The following SMARCA5 variants were observed in gnomAD, a reference collection of about 807,000 sequenced individuals.
The protein encoded by SMARCA5 is SWI/SNF-related matrix-associated actin-dependent regulator of chromatin subfamily A member 5.
Under a neutral mutation model 140.4 loss-of-function variants are expected in SMARCA5, and 18 were observed. That is an observed-to-expected ratio of 0.13 (90% CI 0.09 to 0.19). SMARCA5 has a LOEUF of 0.19. SMARCA5 is among the 10% of genes least tolerant of loss of function. The pLI is 1.00. For missense variants in SMARCA5, 606 were observed against 1,276.8 expected (o/e 0.47, Z 8.01); for synonymous variants, 449 against 419.6 (o/e 1.07, Z -0.86).
intron 14 of SMARCA5, among the ~76,000 whole-genome samples, chr4:143,542,458 A>G (rs1415538741): frequency 1.3e-5 from 2 of 152,202 alleles, no homozygotes; most frequent in Non-Finnish European, 2.9e-5. Flanking sequence ...GCATAAGAAC[A>G]TTTTGGTAGC....
At chr4:143,541,074 G>A (rs981776432) in intron 14 of SMARCA5, among the ~76,000 whole-genome samples, 2 of 152,142 alleles carry the variant, frequency 1.3e-5, no homozygotes, top group Non-Finnish European at 2.9e-5. Flanking sequence ...AAGTAAACAA[G>A]GGTATAAGTA....
chr4:143,537,681 G>A lies in SMARCA5; in HGVS notation c.1496-909G>A, dbSNP rs554034598. On this transcript the variant is annotated intron_variant, in intron 11 of 23. Transcript: ENST00000283131. The stretch of plus-strand genomic sequence containing the variant: ...ATGTCCCAGCACTTTTTGGAAGGCT[G>A]AGGTGGGCAGATCACCTAAGGTCAA... 2.6e-5 allele frequency among the ~76,000 whole-genome samples: 4 copies of A among 152,170 alleles called. No individual in the cohort carries two copies. The South Asian group carries it at 8.3e-4, about 32-fold the overall frequency.
chr4:143,536,601 C>A lies in SMARCA5; in HGVS notation c.1418C>A (p.Thr473Lys). 1 of 1,613,754 alleles carries A rather than the reference C, an allele frequency of 6.2e-7. No homozygotes were observed. Among genetic ancestry groups the A allele is most frequent in the Non-Finnish European group, 8.5e-7 (1 of 1,179,754 alleles). ...GGAGCAGAACCTGGTCCACCTTATA[C>A]AACAGATATGCATCTAGTAACCAAC... ...FDGAEPGPPYTTDMHLVTNSG... is the reference protein window; with the variant it reads ...FDGAEPGPPYKTDMHLVTNSG... The change falls in exon 11 of 24, where the codon ACA becomes AAA. Residue 473 changes from threonine (T) to lysine (K), a missense_variant. Physicochemically the swap from Thr to Lys is moderately conservative, Grantham distance 78. Transcript: ENST00000283131.
chr4:143,516,842 T>A (rs542818770), intron 1 of SMARCA5, among the ~76,000 whole-genome samples: 4 of 152,192 alleles, frequency 2.6e-5, no homozygotes, highest in Non-Finnish European at 5.9e-5. Context: ...TATTACTAGT[T>A]TAGGAATCAG....
chr4:143,538,874 C>G lies in SMARCA5; in HGVS notation c.1706C>G (p.Ala569Gly), dbSNP rs199980668. 2 of 1,613,906 alleles carry G rather than the reference C, an allele frequency of 1.2e-6. No individual in the cohort carries two copies. The highest frequency in any genetic ancestry group is 1.7e-6 in the Non-Finnish European group (2 of 1,179,854). ...GCTGGTGGTCTTGGCATCAATCTTG[C>G]GACTGCTGATGTAGTAATTTTGTAT... ...TRAGGLGINL[A>G]TADVVILYDS... The change falls in exon 13 of 24, where the codon GCG becomes GGG. Residue 569 changes from alanine to glycine, a missense_variant. Physicochemically the swap from Ala to Gly is moderately conservative, Grantham distance 60 (BLOSUM62 0). Coordinates refer to ENST00000283131, the MANE Select transcript of SMARCA5 (RefSeq NM_003601.4).
chr4:143,537,618 A>G (rs1264252770), intron 11 of SMARCA5, among the ~76,000 whole-genome samples: 1 of 152,174 alleles, frequency 6.6e-6, no homozygotes, highest in African/African-American at 2.4e-5. Flanking sequence ...AAGGTATATT[A>G]AACTCTGCAG....
rs765362294 is a variant in SMARCA5, at chr4:143,525,555, T to G, written c.621+4T>G. 1.3e-6 allele frequency: 2 copies of G among 1,584,370 alleles called. No homozygotes were observed. Among genetic ancestry groups the G allele is most frequent in the East Asian group, 2.2e-5 (1 of 44,666 alleles). ...TGGTATCCTTGCAGATGAAATGGTA[T>G]GTGTTGGTAGTTTTTTTTGAAGGGT... On this transcript the variant is annotated splice_donor_region_variant and intron_variant, in intron 5 of 23. Transcript: ENST00000283131.
chr4:143,519,585 G>A (rs1293358081), intron 2 of SMARCA5, among the ~76,000 whole-genome samples: 1 of 151,940 alleles, frequency 6.6e-6, no homozygotes, highest in African/African-American at 2.4e-5. Context: ...CAGTCTCCCA[G>A]CATTATTTCC....
chr4:143,546,397 A>G (rs184312382), intron 19 of SMARCA5, among the ~76,000 whole-genome samples: 12 of 152,266 alleles, frequency 7.9e-5, no homozygotes, highest in East Asian at 5.8e-4. Flanking sequence ...GTGTTCATCA[A>G]GGTCTTTCAG....
intron 21 of SMARCA5, 64 bp from the exon 22 acceptor site, chr4:143,547,864 T>C (rs1737563561): frequency 1.0e-6 from 1 of 983,300 alleles, no homozygotes; most frequent in Non-Finnish European, 1.5e-6. Context: ...ATACTAAAGC[T>C]GAGTTTGAAA....
Position 143,545,438 on chromosome 4 carries a change from T to C in SMARCA5, c.2284-32T>C, listed in dbSNP as rs761402776. The C allele has an allele frequency of 3.6e-6, 5 of 1,404,604 alleles. No homozygotes were observed. In the South Asian group the frequency reaches 5.9e-5, roughly 17 times the overall value. The allele number at this position is 1,404,604 out of a possible 1,614,324, so 87.0% of individuals were successfully genotyped here. A position where few individuals can be genotyped will look rare whatever the true frequency, so the allele number is the denominator to read the frequency against. On this transcript the variant is annotated intron_variant, in intron 17 of 23. Transcript: ENST00000283131. ...TACATTTAAAATGAAATTTCTTTTT[T>C]ATGGATAACACTTATTTTTGTTTTT...
intron 2 of SMARCA5, among the ~76,000 whole-genome samples, chr4:143,521,208 C>G (rs1202870621): frequency 6.6e-6 from 1 of 152,074 alleles, no homozygotes; most frequent in African/African-American, 2.4e-5. Context: ...CTTTCTATCA[C>G]TAGTTAGCAT....
intron 9 of SMARCA5, among the ~76,000 whole-genome samples, chr4:143,531,782 A>G (rs530128572): frequency 7.2e-5 from 11 of 152,326 alleles, no homozygotes; most frequent in African/African-American, 2.6e-4. Flanking sequence ...ACATTGTGGT[A>G]ATTCTAATCT....
chr4:143,545,784 T>C (rs554159229), intron 18 of SMARCA5, 141 bp from the exon 19 acceptor site: 1 of 900,428 alleles, frequency 1.1e-6, no homozygotes, highest in Non-Finnish European at 1.8e-6. Flanking sequence ...ACCAATCTGG[T>C]TTGTTTTTAA....
In SMARCA5 at chr4:143,540,323, CTT is replaced by C; in HGVS notation, c.1771-37_1771-36del. On this transcript the variant is annotated intron_variant, in intron 13 of 23. Transcript: ENST00000283131. ...ACCCATTTCAGTGTTATTTATGTGA[CTT>C]TTAAACTAAATTCAAAATAACATGG... 5 of 1,517,130 alleles carry C rather than the reference CTT, an allele frequency of 3.3e-6. No homozygotes were observed. In the South Asian group the frequency reaches 6.5e-5, roughly 20 times the overall value. The allele number at this position is 1,517,130 out of a possible 1,614,324, so 94.0% of individuals were successfully genotyped here.
In SMARCA5 at chr4:143,526,274, C is replaced by T; in HGVS notation, c.622-7C>T. On this transcript the variant is annotated splice_region_variant and splice_polypyrimidine_tract_variant and intron_variant, in intron 5 of 23. Coordinates refer to ENST00000283131, the MANE Select transcript of SMARCA5 (RefSeq NM_003601.4). ...CACTGCTTCATGGTTATTTTGAAAT[C>T]TTTCAGGGCCTAGGAAAGACTCTTC... The T allele has an allele frequency of 6.2e-7, 1 of 1,609,750 alleles. No homozygotes were observed. The highest frequency in any genetic ancestry group is 8.5e-7 in the Non-Finnish European group (1 of 1,177,706).
At chr4:143,522,750 G>A (rs1490567763) in intron 3 of SMARCA5, among the ~76,000 whole-genome samples, 2 of 151,514 alleles carry the variant, frequency 1.3e-5, no homozygotes, top group Non-Finnish European at 2.9e-5. Context: ...TATTGTTATG[G>A]GATAGTCAGT....
At chr4:143,516,309 A>G (rs1381486410) in intron 1 of SMARCA5, among the ~76,000 whole-genome samples, 4 of 151,258 alleles carry the variant, frequency 2.6e-5, no homozygotes, top group Non-Finnish European at 5.9e-5. Flanking sequence ...TAATAGGTCA[A>G]TGGAGCACTT....
chr4:143,540,225 T>A, intron 13 of SMARCA5, 138 bp from the exon 14 acceptor site: 1 of 560,936 alleles, frequency 1.8e-6, no homozygotes, highest in Non-Finnish European at 3.0e-6. Flanking sequence ...ATCTGATTCC[T>A]TACAGATGCA....
Sources: allele counts gnomAD v4.1 joint callset (sites outside exome capture counted in the v4.1 genomes callset), GRCh38; gene constraint gnomAD v4.1.1; transcripts MANE v1.5; gene names NCBI Gene and HGNC (gene_info 2026-07-23, HGNC 2026-07-21).